ASCC2: variants seen among roughly 807,000 people sequenced by gnomAD.
ASCC2 encodes activating signal cointegrator 1 complex subunit 2, also known as ASC-1 complex subunit P100.
Under a neutral mutation model 93.5 loss-of-function variants are expected in ASCC2, and 42 were observed. The ratio of observed to expected loss-of-function variants is 0.45; its 90% confidence interval spans 0.35 to 0.58. The LOEUF is 0.58. ASCC2 is among the 20% of genes least tolerant of loss of function. The pLI is 0.00. For missense variants in ASCC2, 859 were observed against 977.6 expected (o/e 0.88, Z 1.62); for synonymous variants, 364 against 384.2 (o/e 0.95, Z 0.62).
chr22:29,808,263 A>AGGGAGTGGGAGT (rs900181731), intron 8 of ASCC2, 78 bp from the exon 9 acceptor site: 3 of 1,437,732 alleles, frequency 2.1e-6, no homozygotes, highest in Non-Finnish European at 2.9e-6. Context: ...AGCAAACCCC[A>AGGGAGTGGGAGT]GGGAGTGGGA....
At chr22:29,827,757 G>GACACACACACACACAC (rs35763537) in intron 2 of ASCC2, among the ~76,000 whole-genome samples, 24 of 100,988 alleles carry the variant, frequency 2.4e-4, no homozygotes, top group African/African-American at 9.1e-4. Context: ...TCATTCTCCC[G>GACACACACACACACAC]ACACACACAC....
intron 10 of ASCC2, 32 bp downstream of exon 10, chr22:29,806,765 C>G (rs1242320824): frequency 6.4e-7 from 1 of 1,564,480 alleles, no homozygotes; most frequent in South Asian, 1.1e-5. Context: ...GGAGGAGACT[C>G]TTCCACCAGG....
At chr22:29,803,629 TC>T (rs371885793) in intron 13 of ASCC2, among the ~76,000 whole-genome samples, 1 of 152,224 alleles carries the variant, frequency 6.6e-6, no homozygotes, top group African/African-American at 2.4e-5. Context: ...GTGGAGATGC[TC>T]CCCTTTAATT....
intron 1 of ASCC2, among the ~76,000 whole-genome samples, chr22:29,837,750 T>C (rs112258272): frequency 6.6e-6 from 1 of 152,226 alleles, no homozygotes; most frequent in Admixed American, 6.5e-5. Context: ...ATAGCTTTAA[T>C]GACCTTGTGC....
chr22:29,838,170 G>A lies in ASCC2; in HGVS notation c.-18+8C>T. 2.2e-6 allele frequency: 1 copy of A among 463,892 alleles called. No homozygotes were observed. Among genetic ancestry groups the A allele is most frequent in the East Asian group, 6.6e-5 (1 of 15,078 alleles). 28.7% of individuals were successfully genotyped at this position (463,892 alleles called of 1,614,324 possible). On this transcript the variant is annotated splice_region_variant and intron_variant, in intron 1 of 19. Transcript: ENST00000307790. ...CCTGCATCTGGCAGGGACCAGCCAC[G>A]CACTCACCTCGGCGGCTCCACCACC...
intron 8 of ASCC2, among the ~76,000 whole-genome samples, chr22:29,811,152 T>A (rs917063295): frequency 2.0e-5 from 3 of 152,218 alleles, no homozygotes; most frequent in Non-Finnish European, 4.4e-5. Flanking sequence ...GAAAGGGTGC[T>A]TAATGCACTG....
rs1291416637 is a variant in ASCC2 at position 29,788,759 on chromosome 22, T to A, written c.*254A>T. On this transcript the variant is annotated 3_prime_UTR_variant, in exon 20 of 20. Transcript: ENST00000307790. The stretch of plus-strand genomic sequence containing the variant: ...GACTCCATCCCCATCTCTTTCCCGC[T>A]AGCGCAGCTGGGGGAAGGTGCCTGC... The A allele has an allele frequency of 3.8e-6, 2 of 523,318 alleles. No individual in the cohort carries two copies. Among genetic ancestry groups the A allele is most frequent in the Non-Finnish European group, 6.9e-6 (2 of 291,384 alleles). 32.4% of individuals were successfully genotyped at this position (523,318 alleles called of 1,614,324 possible). A position where few individuals can be genotyped will look rare whatever the true frequency, so the allele number is the denominator to read the frequency against.
At chr22:29,804,589 G>T (rs762068860) in intron 13 of ASCC2, 49 bp downstream of exon 13, 1 of 1,590,434 alleles carries the variant, frequency 6.3e-7, no homozygotes, top group Non-Finnish European at 8.6e-7. Flanking sequence ...TCTCAGATAG[G>T]GCCAAGGAGG....
intron 13 of ASCC2, among the ~76,000 whole-genome samples, chr22:29,803,648 CT>C (rs1239726898): frequency 6.6e-6 from 1 of 152,172 alleles, no homozygotes; most frequent in Non-Finnish European, 1.5e-5. Context: ...ATTACAATCT[CT>C]TTTTTAAGTA....
At chr22:29,819,490 A>T (rs559196774) in intron 5 of ASCC2, among the ~76,000 whole-genome samples, 1 of 152,264 alleles carries the variant, frequency 6.6e-6, no homozygotes, top group Admixed American at 6.5e-5. Flanking sequence ...CCCTGCACCC[A>T]TCCTATGGGT....
chr22:29,811,689 C>T (rs1402339514), intron 8 of ASCC2, among the ~76,000 whole-genome samples: 2 of 152,204 alleles, frequency 1.3e-5, no homozygotes, highest in African/African-American at 2.4e-5. Context: ...TTTCTTCCTC[C>T]TCACCCTGAG....
chr22:29,789,246 G>T lies in ASCC2; in HGVS notation c.2103-62C>A, dbSNP rs1475596014. ...AGCCGGAAGAGGCTCTGGCGGGAGAGCCCACAGCCTGCCTTGGTGTTCACT... is the reference window on the plus strand; with the variant it reads ...AGCCGGAAGAGGCTCTGGCGGGAGATCCCACAGCCTGCCTTGGTGTTCACT... On this transcript the variant is annotated intron_variant, in intron 19 of 19. Coordinates refer to ENST00000307790, the MANE Select transcript of ASCC2 (RefSeq NM_032204.5). The T allele has an allele frequency of 5.7e-6, 9 of 1,592,484 alleles. No individual in the cohort carries two copies. The East Asian group carries it at 2.0e-4, about 36-fold the overall frequency.
intron 1 of ASCC2, chr22:29,834,290 A>T: frequency 3.3e-6 from 1 of 307,256 alleles, no homozygotes; most frequent in South Asian, 2.8e-5. Flanking sequence ...CTTCTAGAGG[A>T]GAGTCTGAGT....
Position 29,825,776 on chromosome 22 carries a change from G to C in ASCC2, c.86C>G (p.Pro29Arg). Reference sequence around the variant, plus strand: ...AAAATACCGGTCTGCCTTCTGCTCGGGGTGCTACGGATCCAAAAACCACGT... The same window carrying C: ...AAAATACCGGTCTGCCTTCTGCTCGCGGTGCTACGGATCCAAAAACCACGT... ...GKLRTSPALH[P>R]EQKADRYFVL... The change falls in exon 3 of 20, where the codon CCC becomes CGC. Residue 29 changes from proline to arginine, a missense_variant. Pro to Arg is a moderately radical substitution (Grantham distance 103). Coordinates refer to ENST00000307790, the MANE Select transcript of ASCC2 (RefSeq NM_032204.5). This position sits in a 1 kb window ranked among gnomAD's most constrained non-coding sequence, Gnocchi z 4.9. 1.2e-6 allele frequency: 2 copies of C among 1,604,710 alleles called. No individual in the cohort carries two copies. The highest frequency in any genetic ancestry group is 1.7e-6 in the Non-Finnish European group (2 of 1,172,964).
intron 15 of ASCC2, among the ~76,000 whole-genome samples, chr22:29,797,685 A>G (rs2058598207): frequency 6.6e-6 from 1 of 152,220 alleles, no homozygotes; most frequent in Non-Finnish European, 1.5e-5. Context: ...TTCTTTTACT[A>G]CAGGACTTTT....
intron 5 of ASCC2, among the ~76,000 whole-genome samples, chr22:29,818,587 G>T (rs2061178306): frequency 6.6e-6 from 1 of 151,986 alleles, no homozygotes; most frequent in Non-Finnish European, 1.5e-5. Context: ...TCAACCTCAA[G>T]GTCTGAGAAC....
At chr22:29,811,050 T>C (rs73394814) in intron 8 of ASCC2, among the ~76,000 whole-genome samples, 19,093 of 152,106 alleles carry the variant, frequency 0.13, 1,954 homozygotes, top group African/African-American at 0.28. Flanking sequence ...TTTTTTTGTA[T>C]AGCAAACAAC....
intron 2 of ASCC2, among the ~76,000 whole-genome samples, chr22:29,829,105 G>A (rs1056923184): frequency 6.6e-6 from 1 of 152,134 alleles, no homozygotes; most frequent in Non-Finnish European, 1.5e-5. Context: ...GCACCTGGGA[G>A]GCGGAGGTTG....
In ASCC2 at chr22:29,806,141, G is replaced by A. The variant is rs568466115; in HGVS notation, c.1160+75C>T. The A allele has an allele frequency of 6.5e-5, 98 of 1,506,268 alleles. No individual in the cohort carries two copies. The African/African-American group carries it at 1.3e-3, about 19-fold the overall frequency. The allele number at this position is 1,506,268 out of a possible 1,614,324, so 93.3% of individuals were successfully genotyped here. On this transcript the variant is annotated intron_variant, in intron 12 of 19. Transcript: ENST00000307790. ...GGGCTAAACCTCTTTCCACTCCTCT[G>A]GGTTCCAGCAGCCTGTCTCACCTCT...
Sources: gnomAD v4.1 joint callset for allele counts (sites outside exome capture counted in the v4.1 genomes callset) on GRCh38, gnomAD v4.1.1 for gene constraint, Gnocchi (gnomAD v3.1) non-coding constraint, MANE v1.5 for transcripts, NCBI Gene and HGNC (gene_info 2026-07-23, HGNC 2026-07-21) for gene names.